CSMD1: variants seen among roughly 807,000 people sequenced by gnomAD.
CSMD1 encodes CUB and Sushi multiple domains 1.
Under a neutral mutation model 417.5 loss-of-function variants are expected in CSMD1, and 213 were observed. That is an observed-to-expected ratio of 0.51 (90% CI 0.46 to 0.57). The LOEUF (loss-of-function observed/expected upper bound fraction) is 0.57. CSMD1 is among the 20% of genes least tolerant of loss of function. The pLI, the probability that CSMD1 is intolerant of heterozygous loss-of-function variation, is 0.00. For synonymous variants in CSMD1, 2,862 were observed against 1,736.8 expected (o/e 1.65, Z -16.11); for missense variants, 6,923 against 4,529.7 (o/e 1.53, Z -15.17).
chr8:4,257,795 G>T (rs144609149), intron 3 of CSMD1, among the ~76,000 whole-genome samples: 1 of 152,142 alleles, frequency 6.6e-6, no homozygotes, highest in Non-Finnish European at 1.5e-5. Flanking sequence ...AATGCCACTA[G>T]CATTTAATGT....
chr8:3,749,852 G>A (rs139309779), intron 6 of CSMD1, among the ~76,000 whole-genome samples: 5 of 151,744 alleles, frequency 3.3e-5, no homozygotes, highest in African/African-American at 7.3e-5. Context: ...GAGGTGGTTC[G>A]CGGTGGTTGA....
At position 4,990,039 on chromosome 8, in the gene CSMD1, A is replaced by T. The variant is rs74322582; in HGVS notation, c.85+4293T>A. ...GCTGAAAGCCAATATAAAAATAGCC[A>T]TTCTCTCTCTTCCCGAGGCCTCTGC... On this transcript the variant is annotated intron_variant, in intron 1 of 69. Coordinates refer to ENST00000635120, the MANE Select transcript of CSMD1 (RefSeq NM_033225.6). 1.2e-4 allele frequency among the ~76,000 whole-genome samples: 18 copies of T among 152,246 alleles called. No individual in the cohort carries two copies. The East Asian group carries it at 3.1e-3, about 26-fold the overall frequency.
chr8:3,214,428 T>G, intron 30 of CSMD1, 69 bp downstream of exon 30: 4 of 1,326,654 alleles, frequency 3.0e-6, no homozygotes, highest in Non-Finnish European at 4.1e-6. Flanking sequence ...TGTGAAACCA[T>G]TTCTTCAATG....
At chr8:3,182,099 T>C (rs954768706) in intron 36 of CSMD1, among the ~76,000 whole-genome samples, 5 of 152,038 alleles carry the variant, frequency 3.3e-5, no homozygotes, top group African/African-American at 1.2e-4. Context: ...GATAAATTAT[T>C]CAAGTACTGC....
intron 1 of CSMD1, among the ~76,000 whole-genome samples, chr8:4,974,902 G>C (rs1180227810): frequency 6.6e-6 from 1 of 152,118 alleles, no homozygotes; most frequent in African/African-American, 2.4e-5. Context: ...AACTATGATG[G>C]TTTATGTTGA....
At chr8:3,857,901 T>C (rs1804426543) in intron 5 of CSMD1, among the ~76,000 whole-genome samples, 1 of 152,264 alleles carries the variant, frequency 6.6e-6, no homozygotes, top group Non-Finnish European at 1.5e-5. Flanking sequence ...GCTTCCGTCC[T>C]TAAAATTGAC....
chr8:3,597,582 C>G (rs185764546), intron 8 of CSMD1, among the ~76,000 whole-genome samples: 1 of 152,246 alleles, frequency 6.6e-6, no homozygotes, highest in East Asian at 1.9e-4. Context: ...CCATATCATA[C>G]TTCTTACAAC....
chr8:4,433,542 A>C (rs1323298486), intron 2 of CSMD1, among the ~76,000 whole-genome samples: 2 of 151,998 alleles, frequency 1.3e-5, no homozygotes, highest in Non-Finnish European at 2.9e-5. Context: ...GGCAAGAAAA[A>C]CCTTGTGGAA....
chr8:4,603,038 T>A (rs1370037737), intron 2 of CSMD1, among the ~76,000 whole-genome samples: 1 of 151,916 alleles, frequency 6.6e-6, no homozygotes, highest in East Asian at 1.9e-4. Flanking sequence ...CAACTGAAAT[T>A]CTAAAAATGA....
At chr8:4,855,927 C>T (rs1188728113) in intron 1 of CSMD1, among the ~76,000 whole-genome samples, 1 of 149,806 alleles carries the variant, frequency 6.7e-6, no homozygotes, top group South Asian at 2.2e-4. Context: ...CACAAAGATA[C>T]TCCTCGAGAA....
At chr8:4,575,541 T>G (rs1187691398) in intron 2 of CSMD1, among the ~76,000 whole-genome samples, 1 of 152,184 alleles carries the variant, frequency 6.6e-6, no homozygotes, top group Non-Finnish European at 1.5e-5. Flanking sequence ...GGAGAGCACC[T>G]CTTGGCCATC....
chr8:4,285,267 G>A (rs924067258), intron 3 of CSMD1, among the ~76,000 whole-genome samples: 11 of 152,138 alleles, frequency 7.2e-5, no homozygotes, highest in African/African-American at 2.7e-4. Context: ...AGCCTTAAAT[G>A]CCATTTCGTT....
intron 2 of CSMD1, among the ~76,000 whole-genome samples, chr8:4,495,614 A>G (rs1801943177): frequency 6.6e-6 from 1 of 152,144 alleles, no homozygotes; most frequent in Admixed American, 6.6e-5. Flanking sequence ...TAGGGCACAA[A>G]TATTAAAATG....
intron 10 of CSMD1, among the ~76,000 whole-genome samples, chr8:3,541,763 T>C (rs1376240258): frequency 1.3e-5 from 2 of 149,898 alleles, no homozygotes; most frequent in Admixed American, 6.6e-5. Flanking sequence ...ATAAACAAAA[T>C]AATATCAACT....
chr8:4,612,292 A>G (rs1469780181), intron 2 of CSMD1, among the ~76,000 whole-genome samples: 1 of 152,216 alleles, frequency 6.6e-6, no homozygotes, highest in Non-Finnish European at 1.5e-5. Flanking sequence ...TAAAACTTCA[A>G]AAATACCTTG....
intron 11 of CSMD1, 21 bp downstream of exon 11, chr8:3,493,602 G>C: frequency 6.3e-7 from 1 of 1,584,876 alleles, no homozygotes; most frequent in Non-Finnish European, 8.6e-7. Context: ...AAGAGAAGAA[G>C]AAGCTCAAGG....
At chr8:4,031,362 G>A (rs1462360421) in intron 4 of CSMD1, among the ~76,000 whole-genome samples, 13 of 152,320 alleles carry the variant, frequency 8.5e-5, no homozygotes, top group African/African-American at 2.2e-4. Context: ...AGCACATCAC[G>A]TCTTACATGC....
At chr8:3,663,862 G>A (rs539288226) in intron 7 of CSMD1, among the ~76,000 whole-genome samples, 2 of 152,228 alleles carry the variant, frequency 1.3e-5, no homozygotes, top group South Asian at 4.1e-4. Context: ...ATCTTCTGAG[G>A]TTGTGTCACA....
chr8:3,881,680 A>T (rs1182923290), intron 5 of CSMD1, among the ~76,000 whole-genome samples: 1 of 152,064 alleles, frequency 6.6e-6, no homozygotes, highest in Non-Finnish European at 1.5e-5. Flanking sequence ...AAACAAAAAA[A>T]AACAATTTGG....
Sources: allele counts gnomAD v4.1 joint callset (sites outside exome capture counted in the v4.1 genomes callset), GRCh38; gene constraint gnomAD v4.1.1; transcripts MANE v1.5; gene names NCBI Gene and HGNC (gene_info 2026-07-23, HGNC 2026-07-21).